DEK: variants seen among roughly 807,000 people sequenced by gnomAD.
DEK encodes the protein protein DEK.
Under a neutral mutation model 46.8 loss-of-function variants are expected in DEK, and 28 were observed. That is an observed-to-expected ratio of 0.60 (90% CI 0.44 to 0.82). The LOEUF is 0.82. Among genes scored for constraint, DEK ranks in the 40% least tolerant of loss-of-function variants. The pLI, the probability that DEK is intolerant of heterozygous loss-of-function variation, is 0.00. For synonymous variants in DEK, 160 were observed against 144.5 expected, an observed-to-expected ratio of 1.11 and a Z score of -0.77; for missense variants, 416 against 430.6, an observed-to-expected ratio of 0.97 and a Z score of 0.30.
chr6:18,255,913 C>T (rs1791573845), intron 5 of DEK, 62 bp from the exon 6 acceptor site: 1 of 1,534,024 alleles, frequency 6.5e-7, no homozygotes, highest in Non-Finnish European at 8.7e-7. Context: ...ATGTTCTCCA[C>T]AATATAAAGG....
chr6:18,261,343 C>A (rs966911391), intron 2 of DEK, among the ~76,000 whole-genome samples: 3 of 152,190 alleles, frequency 2.0e-5, no homozygotes, highest in African/African-American at 4.8e-5. Context: ...GAGGCTGAGA[C>A]GGGCGGATCA....
chr6:18,229,079 G>A (rs544198400), intron 9 of DEK, among the ~76,000 whole-genome samples: 1 of 152,154 alleles, frequency 6.6e-6, no homozygotes, highest in South Asian at 2.1e-4. Flanking sequence ...AGGCAGGACA[G>A]TATTTGCTGT....
intron 5 of DEK, 55 bp downstream of exon 5, chr6:18,256,306 A>G (rs1486335147): frequency 4.1e-6 from 6 of 1,475,438 alleles, no homozygotes; most frequent in Non-Finnish European, 5.6e-6. Context: ...TTTAACATTA[A>G]AAAATAAACT....
chr6:18,248,941 G>A (rs1209074159), intron 7 of DEK, among the ~76,000 whole-genome samples: 10 of 152,128 alleles, frequency 6.6e-5, no homozygotes, highest in South Asian at 2.1e-4. Flanking sequence ...ACCTTTGAAC[G>A]AAAACATCAA....
Position 18,224,979 on chromosome 6 carries a change from A to T in DEK, c.*740T>A, listed in dbSNP as rs532151806. On this transcript the variant is annotated 3_prime_UTR_variant, in exon 11 of 11. Coordinates refer to ENST00000652689, the MANE Select transcript of DEK (RefSeq NM_003472.4). ...GGGTAACTGTTCCTTCAGTGTTGCC[A>T]TCACTGAATTGACTTTCACTGTTCC... 3.2e-5 allele frequency: 7 copies of T among 217,800 alleles called. No homozygotes were observed. In the East Asian group the frequency reaches 4.1e-4, roughly 13 times the overall value. The allele number at this position is 217,800 out of a possible 1,614,324, so 13.5% of individuals were successfully genotyped here.
At chr6:18,246,806 G>C (rs566434100) in intron 7 of DEK, among the ~76,000 whole-genome samples, 2 of 152,100 alleles carry the variant, frequency 1.3e-5, no homozygotes, top group Admixed American at 6.5e-5. Context: ...AGAGGAAACT[G>C]AACAAAGTAA....
chr6:18,259,059 G>A (rs778596643), intron 2 of DEK, among the ~76,000 whole-genome samples: 19 of 151,874 alleles, frequency 1.3e-4, no homozygotes, highest in Non-Finnish European at 1.6e-4. Context: ...GGTGAGGCGC[G>A]GTGGCTCATG....
At chr6:18,257,929 G>T (rs200094366) in intron 4 of DEK, 24 bp downstream of exon 4, 3 of 1,516,694 alleles carry the variant, frequency 2.0e-6, no homozygotes, top group Non-Finnish European at 2.7e-6. Context: ...ATACAAGTAG[G>T]TTTAAAGTGT....
chr6:18,255,638 T>C, intron 6 of DEK, 93 bp downstream of exon 6: 2 of 1,415,112 alleles, frequency 1.4e-6, no homozygotes, highest in East Asian at 4.7e-5. Flanking sequence ...TATGAACGAA[T>C]ACTGACAGCA....
At chr6:18,255,680 A>G (rs1351415875) in intron 6 of DEK, 51 bp downstream of exon 6, 2 of 1,560,372 alleles carry the variant, frequency 1.3e-6, no homozygotes, top group Non-Finnish European at 1.7e-6. Context: ...TGTTTCATAT[A>G]AAGAGGCTAT....
chr6:18,255,630 T>A, intron 6 of DEK, 101 bp downstream of exon 6: 1 of 1,354,636 alleles, frequency 7.4e-7, no homozygotes, highest in South Asian at 1.5e-5. Flanking sequence ...AATGTAGATA[T>A]GAACGAATAC....
intron 6 of DEK, 67 bp downstream of exon 6, chr6:18,255,664 A>C (rs1235520131): frequency 6.5e-7 from 1 of 1,526,902 alleles, no homozygotes; most frequent in Non-Finnish European, 8.7e-7. Context: ...GTTATTAATC[A>C]ATTTTTGTTT....
intron 7 of DEK, among the ~76,000 whole-genome samples, chr6:18,242,738 T>C (rs1790945218): frequency 6.6e-6 from 1 of 152,146 alleles, no homozygotes; most frequent in Non-Finnish European, 1.5e-5. Flanking sequence ...GAAGTAGTAA[T>C]GTTGGCAATT....
chr6:18,228,737 G>C (rs574709406), intron 9 of DEK, among the ~76,000 whole-genome samples: 7 of 152,378 alleles, frequency 4.6e-5, no homozygotes, highest in African/African-American at 1.7e-4. Context: ...TCCCGCGCCT[G>C]GCTCGGAGAG....
intron 9 of DEK, among the ~76,000 whole-genome samples, chr6:18,226,827 A>G (rs1790148609): frequency 6.6e-6 from 1 of 152,208 alleles, no homozygotes; most frequent in Non-Finnish European, 1.5e-5. Flanking sequence ...AGTAGACCAC[A>G]GGAGACTCCA....
intron 7 of DEK, among the ~76,000 whole-genome samples, chr6:18,238,474 G>C (rs1024245760): frequency 6.6e-6 from 1 of 151,798 alleles, no homozygotes; most frequent in South Asian, 2.1e-4. Flanking sequence ...CAAGGCGGGC[G>C]GATCATGAGA....
At position 18,236,544 on chromosome 6, in the gene DEK, G is replaced by T; in HGVS notation, c.955C>A (p.Pro319Thr). 1.3e-6 allele frequency: 2 copies of T among 1,587,888 alleles called. No homozygotes were observed. The highest frequency in any genetic ancestry group is 1.7e-6 in the Non-Finnish European group (2 of 1,172,100). Residue 319 changes from proline to threonine, a missense_variant, in exon 9 of 11, where the codon CCC becomes ACC. Pro to Thr is a conservative substitution (Grantham distance 38, BLOSUM62 -1). Transcript: ENST00000652689. ...TCCTTTAACTCTTCATCTGTAGGGG[G>T]TTTCTTCAACTTTTTAATTAAAGGT... is the stretch of plus-strand genomic sequence containing the variant. Reference protein sequence around the residue: ...DEPLIKKLKKPPTDEELKETI... With the variant: ...DEPLIKKLKKTPTDEELKETI...
rs536794658 is a variant in DEK at position 18,226,339 on chromosome 6, T to C, written c.1048-97A>G. 8.6e-6 allele frequency: 9 copies of C among 1,042,702 alleles called. No homozygotes were observed. The African/African-American group carries it at 1.2e-4, about 14-fold the overall frequency. The allele number at this position is 1,042,702 out of a possible 1,614,324, so 64.6% of individuals were successfully genotyped here. On this transcript the variant is annotated intron_variant, in intron 9 of 10. Coordinates refer to ENST00000652689, the MANE Select transcript of DEK (RefSeq NM_003472.4). ...AAGCAGGAAATCTGCTACGTGCAAA[T>C]AGCCACAACCATCCCAACAGTACTC...
intron 7 of DEK, chr6:18,244,656 C>G (rs1791032854): frequency 1.1e-6 from 1 of 940,746 alleles, no homozygotes; most frequent in Admixed American, 2.8e-5. Flanking sequence ...ACTATTCTTT[C>G]AACAATTTGG....
Sources: allele counts gnomAD v4.1 joint callset (sites outside exome capture counted in the v4.1 genomes callset), GRCh38; gene constraint gnomAD v4.1.1; transcripts MANE v1.5; gene names NCBI Gene and HGNC (gene_info 2026-07-23, HGNC 2026-07-21).